The following ABCA4 variants were observed in gnomAD, a reference collection of about 807,000 sequenced individuals.
ABCA4 encodes the protein retinal-specific phospholipid-transporting ATPase ABCA4.
A neutral mutation model predicts 263.7 loss-of-function variants in ABCA4; 196 were observed. The ratio of observed to expected loss-of-function variants is 0.74; its 90% CI spans 0.66 to 0.84. ABCA4 has a LOEUF of 0.84. Ranked by LOEUF, ABCA4 falls within the 40% of genes least tolerant of loss-of-function variation. The probability of loss-of-function intolerance (pLI) is 0.00; values close to 1 mark genes in which losing one functional copy is unlikely to be tolerated. For synonymous variants in ABCA4, 1,133 were observed against 1,094.2 expected, an observed-to-expected ratio of 1.04 and a Z score of -0.70; for missense variants, 2,792 against 2,855.1, an observed-to-expected ratio of 0.98 and a Z score of 0.50.
At chr1:94,007,841 G>T in intron 42 of ABCA4, 101 bp from the exon 43 acceptor site, 1 of 1,113,924 alleles carries the variant, frequency 9.0e-7, no homozygotes, top group South Asian at 1.3e-5. Context: ...AGGAATTTTA[G>T]ACCTGGGCTG....
chr1:94,019,023 T>G (rs1659818524), intron 36 of ABCA4, among the ~76,000 whole-genome samples: 1 of 141,142 alleles, frequency 7.1e-6, no homozygotes, highest in Admixed American at 7.2e-5. Flanking sequence ...AACCAGGTTT[T>G]TTTTTTTTTT....
chr1:94,039,950 G>T, intron 24 of ABCA4, 93 bp downstream of exon 24: 1 of 1,058,536 alleles, frequency 9.4e-7, no homozygotes, highest in Admixed American at 2.0e-5. Context: ...TGTTCTCTTT[G>T]CTCCCATTAA....
chr1:94,057,500 A>C (rs1469373449), intron 14 of ABCA4, among the ~76,000 whole-genome samples: 1 of 152,216 alleles, frequency 6.6e-6, no homozygotes, highest in African/African-American at 2.4e-5. Flanking sequence ...AGGAGCTTCA[A>C]CATTTTGCCT....
At chr1:94,095,350 G>A (rs1662095712) in intron 6 of ABCA4, among the ~76,000 whole-genome samples, 1 of 151,894 alleles carries the variant, frequency 6.6e-6, no homozygotes, top group Admixed American at 6.5e-5. Flanking sequence ...CACACCCCCA[G>A]CTCCTGACTC....
chr1:94,116,968 C>T (rs201011120), intron 1 of ABCA4, among the ~76,000 whole-genome samples: 2 of 99,936 alleles, frequency 2.0e-5, no homozygotes, highest in Admixed American at 1.1e-4. Flanking sequence ...TTCTTTCTTT[C>T]TCTTTCTTTC....
chr1:94,001,452 C>T lies in ABCA4; in HGVS notation c.6283-347G>A, dbSNP rs12086793. 0.085 allele frequency: 42,998 copies of T among 505,828 alleles called. 3,247 individuals carry two copies. Among genetic ancestry groups the T allele is most frequent in the African/African-American group, 0.29 (15,119 of 51,816 alleles). The allele number at this position is 505,828 out of a possible 1,614,324, so 31.3% of individuals were successfully genotyped here. A position where few individuals can be genotyped will look rare whatever the true frequency, so the allele number is the denominator to read the frequency against. ...GTCACTTCCTTGGTTCCCGCTATGT[C>T]CTGTGCCCTCATGATCCTTGGGCTG... is the stretch of plus-strand genomic sequence containing the variant. On this transcript the variant is annotated intron_variant, in intron 45 of 49. Transcript: ENST00000370225.
intron 26 of ABCA4, among the ~76,000 whole-genome samples, chr1:94,033,655 C>T (rs373990997): frequency 1.3e-5 from 2 of 152,126 alleles, no homozygotes; most frequent in African/African-American, 4.8e-5. Context: ...CTCCTCAAGT[C>T]CCCCAGGACA....
At chr1:94,050,844 G>C (rs1333890831) in intron 17 of ABCA4, among the ~76,000 whole-genome samples, 1 of 152,238 alleles carries the variant, frequency 6.6e-6, no homozygotes, top group Non-Finnish European at 1.5e-5. Context: ...AGTGCTTGCA[G>C]GATAAGTCCT....
intron 43 of ABCA4, 88 bp from the exon 44 acceptor site, chr1:94,005,670 G>C: frequency 7.4e-7 from 1 of 1,351,046 alleles, no homozygotes; most frequent in Non-Finnish European, 1.0e-6. Context: ...CTGCCAACGG[G>C]AAAAGGAAGC....
chr1:93,995,537 G>A (rs1303892117), intron 49 of ABCA4, among the ~76,000 whole-genome samples: 3 of 152,150 alleles, frequency 2.0e-5, no homozygotes, highest in East Asian at 1.9e-4. Flanking sequence ...TATTCCAAGA[G>A]TTATCACAAG....
intron 24 of ABCA4, among the ~76,000 whole-genome samples, chr1:94,038,627 A>T (rs1258265595): frequency 6.6e-6 from 1 of 152,218 alleles, no homozygotes; most frequent in East Asian, 1.9e-4. Context: ...CTTTACGTTA[A>T]GGAAGCAGCT....
intron 22 of ABCA4, 135 bp downstream of exon 22, chr1:94,042,626 T>A: frequency 8.1e-7 from 1 of 1,242,024 alleles, no homozygotes; most frequent in Non-Finnish European, 1.2e-6. Flanking sequence ...ATTCACCAAG[T>A]CACTGATAAA....
At chr1:94,119,975 C>G (rs1444430911) in intron 1 of ABCA4, among the ~76,000 whole-genome samples, 2 of 152,174 alleles carry the variant, frequency 1.3e-5, no homozygotes, top group Admixed American at 1.3e-4. Flanking sequence ...CTCACCCCTA[C>G]CCAGCCCCCA....
At position 94,080,525 on chromosome 1, in the gene ABCA4, A is replaced by C; in HGVS notation, c.1052T>G (p.Ile351Ser). The C allele has an allele frequency of 6.2e-7, 1 of 1,614,162 alleles. No homozygotes were observed. Among genetic ancestry groups the C allele is most frequent in the Non-Finnish European group, 8.5e-7 (1 of 1,180,032 alleles). The change falls in exon 8 of 50, where the codon ATT (isoleucine) becomes AGT (serine). Residue 351 changes from isoleucine to serine, a missense_variant. Ile to Ser is a moderately radical substitution (Grantham distance 142). Transcript: ENST00000370225. The part of the protein sequence containing the change: ...EDNNYKAFLG[I>S]DSTRKDPIYS... Reference sequence around the variant, plus strand: ...GATAGGATCCTTCCTTGTGGAGTCAATCCCCAGAAAGGCCTTATAGTTATT... The same window carrying C: ...GATAGGATCCTTCCTTGTGGAGTCACTCCCCAGAAAGGCCTTATAGTTATT...
Position 94,010,891 on chromosome 1 carries a change from T to C in ABCA4, c.5623A>G (p.Ile1875Val), listed in dbSNP as rs1659526097. 1.2e-6 allele frequency: 2 copies of C among 1,614,088 alleles called. No homozygotes were observed. The highest frequency in any genetic ancestry group is 1.1e-5 in the South Asian group (1 of 91,080). The stretch of plus-strand genomic sequence containing the variant: ...ACCATGGCAAACAGGTTCTTCCCAA[T>C]CAGGTCCCAGTGGAACGGATTTGCA... The part of the protein sequence containing the change: ...HSANPFHWDL[I>V]GKNLFAMVVE... The change falls in exon 40 of 50, where the codon ATT becomes GTT. Residue 1875 changes from isoleucine (I) to valine (V), a missense_variant. Ile to Val is a conservative substitution (Grantham distance 29). Coordinates refer to ENST00000370225, the MANE Select transcript of ABCA4 (RefSeq NM_000350.3).
At chr1:94,085,561 C>T (rs1407927819) in intron 6 of ABCA4, among the ~76,000 whole-genome samples, 2 of 152,086 alleles carry the variant, frequency 1.3e-5, no homozygotes, top group Non-Finnish European at 2.9e-5. Flanking sequence ...TGCCTCTAGC[C>T]CCCTCCCTTC....
intron 6 of ABCA4, among the ~76,000 whole-genome samples, chr1:94,093,002 T>C (rs1662007701): frequency 6.6e-6 from 1 of 152,158 alleles, no homozygotes; most frequent in Non-Finnish European, 1.5e-5. Flanking sequence ...AAGATTTCCT[T>C]TAAATGGCAG....
In ABCA4 at chr1:94,008,833, T is replaced by A. The variant is rs1659470705; in HGVS notation, c.5753A>T (p.Asp1918Val). Residue 1918 changes from aspartate to valine, a missense_variant, in exon 41 of 50, where the codon GAT (aspartate) becomes GTT (valine). By Grantham distance (152) the Asp-to-Val change is radical (BLOSUM62 -3). Transcript: ENST00000370225. ...TTGTCTTTCTTCAGCCACATCATCATCTTCATCAACAATGGGCTCCTTAGT... is the reference window on the plus strand; with the variant it reads ...TTGTCTTTCTTCAGCCACATCATCAACTTCATCAACAATGGGCTCCTTAGT... ...EPTKEPIVDE[D>V]DDVAEERQRI... 1.2e-6 allele frequency: 2 copies of A among 1,613,676 alleles called. No individual in the cohort carries two copies. The highest frequency in any genetic ancestry group is 1.7e-6 in the Non-Finnish European group (2 of 1,179,950).
intron 11 of ABCA4, among the ~76,000 whole-genome samples, chr1:94,070,862 CA>C: frequency 6.6e-6 from 1 of 152,156 alleles, no homozygotes; most frequent in Non-Finnish European, 1.5e-5. Context: ...ACCTTAACAG[CA>C]ATGAGGAGTC....
Sources: gnomAD v4.1 joint callset for allele counts (sites outside exome capture counted in the v4.1 genomes callset) on GRCh38, gnomAD v4.1.1 for gene constraint, MANE v1.5 for transcripts, NCBI Gene and HGNC (gene_info 2026-07-23, HGNC 2026-07-21) for gene names.